Variants in RBPJ observed in about 807,000 individuals in gnomAD.
RBPJ encodes the protein recombination signal binding protein for immunoglobulin kappa J region, also known as recombining binding protein suppressor of hairless.
A neutral mutation model predicts 67.8 loss-of-function variants in RBPJ; 9 were observed. That is an observed-to-expected ratio of 0.13 (90% confidence interval 0.08 to 0.23). The LOEUF (loss-of-function observed/expected upper bound fraction) is 0.23. RBPJ is among the 10% of genes least tolerant of loss of function. The probability of loss-of-function intolerance (pLI) is 1.00; values close to 1 mark genes in which losing one functional copy is unlikely to be tolerated. For missense variants in RBPJ, 305 were observed against 595.6 expected (o/e 0.51, Z 5.08); for synonymous variants, 198 against 203.3 (o/e 0.97, Z 0.22).
intron 1 of RBPJ, among the ~76,000 whole-genome samples, chr4:26,250,701 A>T (rs1720082069): frequency 6.6e-6 from 1 of 152,202 alleles, no homozygotes; most frequent in African/African-American, 2.4e-5. Context: ...TCATGTGTTG[A>T]TAGACACTTA....
At chr4:26,316,390 CATAT>C (rs1011388148), upstream of RBPJ, among the ~76,000 whole-genome samples, 4 of 143,930 alleles carry the variant, frequency 2.8e-5, no homozygotes, top group African/African-American at 1.0e-4. Flanking sequence ...TATATACATT[CATAT>C]ATACATTCAT....
At chr4:26,319,486 G>A (rs1297491312), upstream of RBPJ, among the ~76,000 whole-genome samples, 1 of 103,384 alleles carries the variant, frequency 9.7e-6, no homozygotes, top group Non-Finnish European at 2.0e-5. Flanking sequence ...GCCCGCGCCC[G>A]CCGCCCGCCG....
At chr4:26,308,193 G>A (rs1191631887) in intron 1 of RBPJ, among the ~76,000 whole-genome samples, 1 of 152,068 alleles carries the variant, frequency 6.6e-6, no homozygotes, top group African/African-American at 2.4e-5. Context: ...GGAGAATGGC[G>A]TGAGCCCGGG....
chr4:26,257,320 C>T (rs968337649), intron 1 of RBPJ, among the ~76,000 whole-genome samples: 5 of 152,128 alleles, frequency 3.3e-5, no homozygotes, highest in Admixed American at 2.0e-4. Flanking sequence ...ATTTTACTGG[C>T]GAAGAAACAG....
upstream of RBPJ, chr4:26,320,866 G>A (rs371781527): frequency 6.4e-7 from 1 of 1,573,854 alleles, no homozygotes; most frequent in Non-Finnish European, 8.6e-7. Context: ...TGCGGGCGGC[G>A]CGAGGCGTCT....
At chr4:26,159,691 A>T (rs1324766629), upstream of RBPJ, among the ~76,000 whole-genome samples, 1 of 152,216 alleles carries the variant, frequency 6.6e-6, no homozygotes, top group Non-Finnish European at 1.5e-5. Flanking sequence ...GATATTAATT[A>T]GGACATACCT....
intron 1 of RBPJ, among the ~76,000 whole-genome samples, chr4:26,174,557 C>T (rs1304562338): frequency 5.9e-5 from 9 of 152,186 alleles, no homozygotes. Context: ...GCAACCTCCG[C>T]CTCCCAGGTT....
intron 1 of RBPJ, among the ~76,000 whole-genome samples, chr4:26,273,171 C>G (rs777750396): frequency 3.9e-5 from 6 of 152,172 alleles, no homozygotes; most frequent in Non-Finnish European, 7.4e-5. Flanking sequence ...ATTGCCTCAG[C>G]CTCTTTTTTA....
At position 26,215,343 on chromosome 4, in the gene RBPJ, GAA is replaced by G. The variant is rs1423078827; in HGVS notation, c.-167+51731_-167+51732del. On this transcript the variant is annotated intron_variant, in intron 1 of 4. Coordinates refer to the RBPJ transcript ENST00000512351. ...AAAGAAAGAAAAAGAGAGAGAGAAA[GAA>G]AGAAAAAAAGAAGGAAGGAAGGAAG... Among the ~76,000 whole-genome samples, 240 of 46,252 alleles carry G rather than the reference GAA, an allele frequency of 5.2e-3. 23 individuals are homozygous for G. The highest frequency in any genetic ancestry group is 0.032 in the African/African-American group (224 of 6,914). 30.3% of individuals were successfully genotyped at this position (46,252 alleles called of 152,430 possible). A position where few individuals can be genotyped will look rare whatever the true frequency, so the allele number is the denominator to read the frequency against.
In RBPJ at chr4:26,406,570, A is replaced by T. The variant is rs3109838; in HGVS notation, c.155+300A>T. Among the ~76,000 whole-genome samples, 1,391 of 152,338 alleles carry T rather than the reference A, an allele frequency of 9.1e-3. 17 individuals are homozygous for T. Among genetic ancestry groups the T allele is most frequent in the African/African-American group, 0.032 (1,326 of 41,582 alleles). ...GCAGATGGAACAATGGAGAGAGCAC[A>T]CTTGAACAAAGGAAAAGCAGACATA... On this transcript the variant is annotated intron_variant, in intron 3 of 10. Transcript: ENST00000355476.
chr4:26,115,807 T>C, the RBPJ span, among the ~76,000 whole-genome samples: 1 of 152,066 alleles, frequency 6.6e-6, no homozygotes, highest in Non-Finnish European at 1.5e-5. Context: ...TTTTCTGAGG[T>C]TTTTCAGCTA....
chr4:26,210,664 TTC>T (rs1293896837), intron 1 of RBPJ, among the ~76,000 whole-genome samples: 9 of 22,038 alleles, frequency 4.1e-4, no homozygotes, highest in African/African-American at 1.8e-3. Flanking sequence ...TCTTTCTTTT[TTC>T]TTTCTTTCTT....
intron 1 of RBPJ, among the ~76,000 whole-genome samples, chr4:26,210,727 C>CTTTCCTTCTTTT (rs1718371547): frequency 3.2e-5 from 2 of 61,776 alleles, no homozygotes; most frequent in African/African-American, 1.2e-4. Context: ...TTCTTTCTTT[C>CTTTCCTTCTTTT]CTTCTTTACT....
chr4:26,262,017 C>T (rs1260263504), intron 1 of RBPJ, among the ~76,000 whole-genome samples: 3 of 152,230 alleles, frequency 2.0e-5, no homozygotes, highest in Admixed American at 6.5e-5. Flanking sequence ...ACAATCAAGG[C>T]TCACTGCAGC....
Position 26,430,999 on chromosome 4 carries a change from G to A in RBPJ, c.1456G>A (p.Val486Ile). 6.2e-7 allele frequency: 1 copy of A among 1,613,042 alleles called. No homozygotes were observed. Among genetic ancestry groups the A allele is most frequent in the Non-Finnish European group, 8.5e-7 (1 of 1,179,432 alleles). The change falls in exon 11 of 11, where the codon GTA becomes ATA. Residue 486 changes from valine to isoleucine, a missense_variant. Val to Ile is a conservative substitution (Grantham distance 29). Coordinates refer to ENST00000355476, the MANE Select transcript of RBPJ (RefSeq NM_015874.6). This position sits in a 1 kb window ranked among gnomAD's most constrained non-coding sequence, Gnocchi z 4.1. ...TGTCACATCATCTACAGCCACAGTG[G>A]TATCCTAACTACCGTCTTTTTGCTA... ...TSVTSSTATV[V>I]S
chr4:26,284,996 A>G (rs961004133), intron 1 of RBPJ, among the ~76,000 whole-genome samples: 2 of 152,024 alleles, frequency 1.3e-5, no homozygotes, highest in Middle Eastern at 3.4e-3. Context: ...AGCTGGGACT[A>G]CAGGTGCCCA....
At chr4:26,278,762 A>G (rs560845560) in intron 1 of RBPJ, among the ~76,000 whole-genome samples, 3 of 152,340 alleles carry the variant, frequency 2.0e-5, no homozygotes, top group Admixed American at 6.5e-5. Flanking sequence ...GGGGCTTTAC[A>G]AGGAGAAAAT....
intron 1 of RBPJ, among the ~76,000 whole-genome samples, chr4:26,168,501 T>C (rs896194655): frequency 1.1e-4 from 16 of 152,232 alleles, no homozygotes; most frequent in African/African-American, 3.6e-4. Flanking sequence ...TGGCTGCCCT[T>C]AACATTTTTT....
upstream of RBPJ, among the ~76,000 whole-genome samples, chr4:26,315,167 A>AT (rs1553860769): frequency 8.2e-4 from 61 of 74,756 alleles, no homozygotes; most frequent in East Asian, 1.4e-3. Context: ...AAAAAAAAAA[A>AT]ATATATATAT....
Sources: gnomAD v4.1 joint callset for allele counts (sites outside exome capture counted in the v4.1 genomes callset) on GRCh38, gnomAD v4.1.1 for gene constraint, Gnocchi (gnomAD v3.1) non-coding constraint, MANE v1.5 for transcripts, NCBI Gene and HGNC (gene_info 2026-07-23, HGNC 2026-07-21) for gene names.